LENG1: variants seen among roughly 807,000 people sequenced by gnomAD.
The protein encoded by LENG1 is leukocyte receptor cluster member 1.
Under a neutral mutation model 28.8 loss-of-function variants are expected in LENG1, and 35 were observed. That is an observed-to-expected ratio of 1.22 (90% CI 0.93 to 1.61). The LOEUF (loss-of-function observed/expected upper bound fraction) is 1.61. Ranked by LOEUF, LENG1 falls within the 40% of genes most tolerant of loss-of-function variation. The pLI, the probability that LENG1 is intolerant of heterozygous loss-of-function variation, is 0.00. For synonymous variants in LENG1, 170 were observed against 140.6 expected (o/e 1.21, Z -1.48); for missense variants, 404 against 348.9 (o/e 1.16, Z -1.26).
At chr19:54,157,512 G>T (rs1281075577) in intron 2 of LENG1, among the ~76,000 whole-genome samples, 5 of 152,078 alleles carry the variant, frequency 3.3e-5, no homozygotes, top group African/African-American at 1.2e-4. Context: ...GGGATTACAG[G>T]CACACACCAC....
intron 3 of LENG1, 24 bp from the exon 4 acceptor site, chr19:54,155,964 G>T: frequency 2.5e-6 from 4 of 1,585,476 alleles, no homozygotes; most frequent in Non-Finnish European, 3.4e-6. Flanking sequence ...AGTGAGGTCA[G>T]AAAGCTGGTA....
chr19:54,155,671 GTT>G lies in LENG1; in HGVS notation c.*48_*49del. On this transcript the variant is annotated 3_prime_UTR_variant, in exon 4 of 4. Coordinates refer to ENST00000222224, the MANE Select transcript of LENG1 (RefSeq NM_024316.3). ...TTTGGAAAATATTTATGAATAAATA[GTT>G]TTATATGACGGCTGGCAGCAGCGGC... The G allele has an allele frequency of 1.4e-6, 2 of 1,463,952 alleles. No individual in the cohort carries two copies. Among genetic ancestry groups the G allele is most frequent in the Non-Finnish European group, 1.9e-6 (2 of 1,075,462 alleles). 90.7% of individuals were successfully genotyped at this position (1,463,952 alleles called of 1,614,324 possible).
chr19:54,155,462 AGGTGAGGGCCCTGCCCT>A lies in LENG1; in HGVS notation c.*242_*258del. The A allele has an allele frequency of 8.7e-7, 1 of 1,143,618 alleles. No individual in the cohort carries two copies. The highest frequency in any genetic ancestry group is 1.2e-6 in the Non-Finnish European group (1 of 806,460). 70.8% of individuals were successfully genotyped at this position (1,143,618 alleles called of 1,614,324 possible). A position where few individuals can be genotyped will look rare whatever the true frequency, so the allele number is the denominator to read the frequency against. ...CCCCCGCATGCTGATCCCCCTGCCC[AGGTGAGGGCCCTGCCCT>A]GGAAGACTGGAGGGAGGCCCCAAGC... On this transcript the variant is annotated 3_prime_UTR_variant, in exon 4 of 4. Transcript: ENST00000222224.
Position 54,156,612 on chromosome 19 carries a change from C to A in LENG1, c.575+151G>T, listed in dbSNP as rs1360006128. 29 of 812,158 alleles carry A rather than the reference C, an allele frequency of 3.6e-5. No homozygotes were observed. The South Asian group carries it at 3.7e-4, about 10-fold the overall frequency. 50.3% of individuals were successfully genotyped at this position (812,158 alleles called of 1,614,324 possible). On this transcript the variant is annotated intron_variant, in intron 3 of 3. Coordinates refer to ENST00000222224, the MANE Select transcript of LENG1 (RefSeq NM_024316.3). ...AGGGTGTCAGGACCCCTAGGGCTCC[C>A]TGGACCACATGCTGAGAACCACTTC...
rs1281268149 is a variant in LENG1 at position 54,155,184 on chromosome 19, C to T, written c.*537G>A. On this transcript the variant is annotated 3_prime_UTR_variant, in exon 4 of 4. Coordinates refer to ENST00000222224, the MANE Select transcript of LENG1 (RefSeq NM_024316.3). ...GAGGATGGATGAGAGTGTGTGCGTG[C>T]AGGGCAGCTGGCCCGGTGCCTGACA... The T allele has an allele frequency of 3.2e-5, 34 of 1,078,590 alleles. No homozygotes were observed. Among genetic ancestry groups the T allele is most frequent in the South Asian group, 1.8e-4 (12 of 67,758 alleles). The allele number at this position is 1,078,590 out of a possible 1,614,324, so 66.8% of individuals were successfully genotyped here.
Position 54,155,553 on chromosome 19 carries a change from T to G in LENG1, c.*168A>C. On this transcript the variant is annotated 3_prime_UTR_variant, in exon 4 of 4. Coordinates refer to ENST00000222224, the MANE Select transcript of LENG1 (RefSeq NM_024316.3). The stretch of plus-strand genomic sequence containing the variant: ...GAAGCAGGGAGGGGGCCGGGAGGTT[T>G]TCCTCTCAGCCCCACCCTGGGGGCC... 1 of 923,788 alleles carries G rather than the reference T, an allele frequency of 1.1e-6. No homozygotes were observed. Among genetic ancestry groups the G allele is most frequent in the Non-Finnish European group, 1.6e-6 (1 of 622,738 alleles). The allele number at this position is 923,788 out of a possible 1,614,324, so 57.2% of individuals were successfully genotyped here. A position where few individuals can be genotyped will look rare whatever the true frequency, so the allele number is the denominator to read the frequency against.
At chr19:54,158,544 G>A (rs1469510836) in intron 1 of LENG1, 83 bp from the exon 2 acceptor site, 1 of 1,338,814 alleles carries the variant, frequency 7.5e-7, no homozygotes, top group Non-Finnish European at 1.0e-6. Context: ...ACAGAAAATG[G>A]CAGTCCAGGG....
In LENG1 at chr19:54,155,578, C is replaced by T. The variant is rs2438050; in HGVS notation, c.*143G>A. ...TTCCTCTCAGCCCCACCCTGGGGGC[C>T]CGGGGGCGAGGGCTGCCCCCTCCTC... On this transcript the variant is annotated 3_prime_UTR_variant, in exon 4 of 4. Coordinates refer to ENST00000222224, the MANE Select transcript of LENG1 (RefSeq NM_024316.3). The T allele has an allele frequency of 9.9e-7, 1 of 1,009,836 alleles. No individual in the cohort carries two copies. Among genetic ancestry groups the T allele is most frequent in the Non-Finnish European group, 1.4e-6 (1 of 698,012 alleles). 62.6% of individuals were successfully genotyped at this position (1,009,836 alleles called of 1,614,324 possible). A position where few individuals can be genotyped will look rare whatever the true frequency, so the allele number is the denominator to read the frequency against.
chr19:54,156,307 C>G lies in LENG1; in HGVS notation c.576-367G>C, dbSNP rs187944538. Reference sequence around the variant, plus strand: ...GGAGACAGAAGCCTGCTTTTACTCTCTAACCCAGCAGCTCTCAAACTCTTT... The same window carrying G: ...GGAGACAGAAGCCTGCTTTTACTCTGTAACCCAGCAGCTCTCAAACTCTTT... On this transcript the variant is annotated intron_variant, in intron 3 of 3. Coordinates refer to ENST00000222224, the MANE Select transcript of LENG1 (RefSeq NM_024316.3). Among the ~76,000 whole-genome samples, 343 of 152,352 alleles carry G rather than the reference C, an allele frequency of 2.3e-3. 4 individuals are homozygous for G. The highest frequency in any genetic ancestry group is 6.6e-3 in the African/African-American group (274 of 41,578).
chr19:54,158,505 A>T (rs766278177), intron 1 of LENG1, 44 bp from the exon 2 acceptor site: 7 of 1,572,394 alleles, frequency 4.5e-6, no homozygotes, highest in Admixed American at 3.5e-5. Context: ...CCTAGAGGTA[A>T]TTCAAGAACT....
intron 2 of LENG1, among the ~76,000 whole-genome samples, chr19:54,157,396 TCTCG>T (rs1462464834): frequency 6.6e-6 from 1 of 151,960 alleles, no homozygotes; most frequent in Non-Finnish European, 1.5e-5. Context: ...TGAGATGGAG[TCTCG>T]CTCTGTTGCC....
Position 54,155,682 on chromosome 19 carries a change from C to T in LENG1, c.*39G>A, listed in dbSNP as rs570462018. 74 of 1,503,032 alleles carry T rather than the reference C, an allele frequency of 4.9e-5. No individual in the cohort carries two copies. The highest frequency in any genetic ancestry group is 1.1e-4 in the East Asian group (5 of 43,490). The allele number at this position is 1,503,032 out of a possible 1,614,324, so 93.1% of individuals were successfully genotyped here. A position where few individuals can be genotyped will look rare whatever the true frequency, so the allele number is the denominator to read the frequency against. The stretch of plus-strand genomic sequence containing the variant: ...TTTATGAATAAATAGTTTTATATGA[C>T]GGCTGGCAGCAGCGGCCTCTCCTGT... On this transcript the variant is annotated 3_prime_UTR_variant, in exon 4 of 4. Coordinates refer to ENST00000222224, the MANE Select transcript of LENG1 (RefSeq NM_024316.3).
At chr19:54,156,033 C>A in intron 3 of LENG1, 93 bp from the exon 4 acceptor site, 1 of 1,149,880 alleles carries the variant, frequency 8.7e-7, no homozygotes, top group Non-Finnish European at 1.2e-6. Context: ...CCTGGAAGCC[C>A]CGCTGCATCC....
chr19:54,156,789 C>T lies in LENG1; in HGVS notation c.549G>A (p.Glu183=), dbSNP rs770597766. ...DEGSRSRKEK[E]GSEKQRPKEP... ...CCTTGGGTCGCTGCTTCTCAGACCCCTCCTTTTCCTTTCTGCTGCGACTGC... is the reference window on the plus strand; with the variant it reads ...CCTTGGGTCGCTGCTTCTCAGACCCTTCCTTTTCCTTTCTGCTGCGACTGC... Residue 183 remains glutamate (E), a synonymous_variant, in exon 3 of 4, where the codon GAG becomes GAA. Transcript: ENST00000222224. 6 of 1,613,700 alleles carry T rather than the reference C, an allele frequency of 3.7e-6. No individual in the cohort carries two copies. The Admixed American group carries it at 1.0e-4, about 27-fold the overall frequency.
rs771136760 is a variant in LENG1, at chr19:54,155,227, AT to A, written c.*493del. 3 of 1,563,082 alleles carry A rather than the reference AT, an allele frequency of 1.9e-6. No individual in the cohort carries two copies. The African/African-American group carries it at 4.1e-5, about 21-fold the overall frequency. On this transcript the variant is annotated 3_prime_UTR_variant, in exon 4 of 4. Transcript: ENST00000222224. ...GCCTGACACATCCACAGCCCTAAGA[AT>A]TGTCCCCTTTGTCTGTTGGTCCGGC...
chr19:54,158,272 G>C lies in LENG1; in HGVS notation c.312+10C>G, dbSNP rs2075432140. The stretch of plus-strand genomic sequence containing the variant: ...TGGCCCCTCTGATGAAGTGGGTGAG[G>C]CCAGCTTACTTTCTCCTGTCGCTTT... On this transcript the variant is annotated intron_variant, in intron 2 of 3. Transcript: ENST00000222224. The C allele has an allele frequency of 6.2e-7, 1 of 1,611,468 alleles. No individual in the cohort carries two copies. Among genetic ancestry groups the C allele is most frequent in the Non-Finnish European group, 8.5e-7 (1 of 1,177,938 alleles).
intron 1 of LENG1, 93 bp downstream of exon 1, chr19:54,159,471 A>G: frequency 2.2e-6 from 3 of 1,345,766 alleles, no homozygotes; most frequent in Non-Finnish European, 2.9e-6. Flanking sequence ...CACGGGGCAC[A>G]TTGAGCCTGC....
intron 3 of LENG1, 56 bp downstream of exon 3, chr19:54,156,707 C>CT: frequency 6.5e-7 from 1 of 1,537,698 alleles, no homozygotes; most frequent in South Asian, 1.3e-5. Flanking sequence ...CCATGCTGGG[C>CT]TGCTGCCAAG....
intron 1 of LENG1, 90 bp from the exon 2 acceptor site, chr19:54,158,551 A>G (rs2075439699): frequency 7.7e-7 from 1 of 1,295,036 alleles, no homozygotes; most frequent in African/African-American, 1.5e-5. Context: ...ATGGCAGTCC[A>G]GGGTGCTGGG....
Sources: gnomAD v4.1 joint callset for allele counts (sites outside exome capture counted in the v4.1 genomes callset) on GRCh38, gnomAD v4.1.1 for gene constraint, MANE v1.5 for transcripts, NCBI Gene and HGNC (gene_info 2026-07-23, HGNC 2026-07-21) for gene names.